COL14A1: variants seen among roughly 807,000 people sequenced by gnomAD.
COL14A1 encodes collagen alpha-1(XIV) chain.
A neutral mutation model predicts 230.3 loss-of-function variants in COL14A1; 136 were observed. That is an observed-to-expected ratio of 0.59 (90% CI 0.51 to 0.68). The LOEUF is 0.68. COL14A1 is among the 30% of genes least tolerant of loss of function. The pLI, the probability that COL14A1 is intolerant of heterozygous loss-of-function variation, is 0.00. For missense variants in COL14A1, 1,976 were observed against 2,215.8 expected (o/e 0.89, Z 2.17); for synonymous variants, 792 against 784.1 (o/e 1.01, Z -0.17).
At chr8:120,212,679 C>A in intron 13 of COL14A1, 102 bp downstream of exon 13, 1 of 1,256,480 alleles carries the variant, frequency 8.0e-7, no homozygotes, top group Admixed American at 2.2e-5. Context: ...CTCTTAAAAG[C>A]TAATTATAAT....
At chr8:120,309,323 A>T (rs1380336576) in intron 36 of COL14A1, among the ~76,000 whole-genome samples, 2 of 152,094 alleles carry the variant, frequency 1.3e-5, no homozygotes, top group Non-Finnish European at 2.9e-5. Context: ...TTTTTCATTT[A>T]CTGTAATGCT....
chr8:120,283,754 C>G lies in COL14A1; in HGVS notation c.3943C>G (p.Pro1315Ala). 1 of 1,611,928 alleles carries G rather than the reference C, an allele frequency of 6.2e-7. No individual in the cohort carries two copies. The highest frequency in any genetic ancestry group is 8.5e-7 in the Non-Finnish European group (1 of 1,179,386). Residue 1315 changes from proline to alanine, a missense_variant, in exon 32 of 48, where the codon CCA becomes GCA. Coordinates refer to ENST00000297848, the MANE Select transcript of COL14A1 (RefSeq NM_021110.4). ...GGAGATTTTAAATAAAAATTCTGAC[C>G]CATTGGTTGGGGTTATTTTAGACAG... is the stretch of plus-strand genomic sequence containing the variant. ...LWEILNKNSDPLVGVILDNGG... is the reference protein window; with the variant it reads ...LWEILNKNSDALVGVILDNGG...
At chr8:120,188,348 CTGGG>C (rs1816709978) in intron 5 of COL14A1, among the ~76,000 whole-genome samples, 1 of 152,122 alleles carries the variant, frequency 6.6e-6, no homozygotes, top group African/African-American at 2.4e-5. Flanking sequence ...TCCCAAAGTG[CTGGG>C]ATTACAGGCA....
At position 120,283,650 on chromosome 8, in the gene COL14A1, A is replaced by G. The variant is rs757361473; in HGVS notation, c.3839A>G (p.Glu1280Gly). The change falls in exon 32 of 48, where the codon GAA becomes GGA. Residue 1280 changes from glutamate (E) to glycine (G), a missense_variant. Glu to Gly is a moderately conservative substitution (Grantham distance 98). Coordinates refer to ENST00000297848, the MANE Select transcript of COL14A1 (RefSeq NM_021110.4). ...TCTATGTTCAGGTACTTGCACCCAGAAGGATTGCCCTCCGACTACACAATC... is the reference window on the plus strand; with the variant it reads ...TCTATGTTCAGGTACTTGCACCCAGGAGGATTGCCCTCCGACTACACAATC... ...VSQPTRYLHP[E>G]GLPSDYTISF... is the part of the protein sequence containing the mutation. 1 of 1,610,728 alleles carries G rather than the reference A, an allele frequency of 6.2e-7. No individual in the cohort carries two copies. Among genetic ancestry groups the G allele is most frequent in the Admixed American group, 1.7e-5 (1 of 59,082 alleles).
chr8:120,288,688 T>C (rs933073423), intron 33 of COL14A1, among the ~76,000 whole-genome samples: 2 of 152,192 alleles, frequency 1.3e-5, no homozygotes, highest in African/African-American at 4.8e-5. Context: ...TAACCTTGAT[T>C]GTATTGACCA....
At chr8:120,229,146 A>G (rs1236028954) in intron 18 of COL14A1, among the ~76,000 whole-genome samples, 1 of 143,614 alleles carries the variant, frequency 7.0e-6, no homozygotes, top group Non-Finnish European at 1.5e-5. Context: ...GTTTTAGGGT[A>G]CATGTGCACA....
chr8:120,368,606 CAA>C (rs11342918), intron 46 of COL14A1, among the ~76,000 whole-genome samples: 5,113 of 118,474 alleles, frequency 0.043, 288 homozygotes, highest in African/African-American at 0.14. Flanking sequence ...GCATACAAGC[CAA>C]AAAAAAAAAA....
intron 5 of COL14A1, among the ~76,000 whole-genome samples, chr8:120,193,094 T>C (rs1470288570): frequency 6.6e-6 from 1 of 152,248 alleles, no homozygotes; most frequent in African/African-American, 2.4e-5. Flanking sequence ...GGTGAGGAAC[T>C]GCGTTCCTTT....
chr8:120,132,738 A>G (rs1814572511), intron 1 of COL14A1, among the ~76,000 whole-genome samples: 2 of 152,016 alleles, frequency 1.3e-5, no homozygotes, highest in Admixed American at 1.3e-4. Flanking sequence ...GAAATGAGTT[A>G]TTTTTAAACA....
At chr8:120,198,050 C>G in intron 7 of COL14A1, 120 bp downstream of exon 7, 1 of 961,734 alleles carries the variant, frequency 1.0e-6, no homozygotes, top group Non-Finnish European at 1.5e-6. Flanking sequence ...ACTTAGGATT[C>G]TTTGATGGCT....
intron 14 of COL14A1, among the ~76,000 whole-genome samples, chr8:120,217,772 G>A (rs1343088446): frequency 6.6e-6 from 1 of 151,694 alleles, no homozygotes; most frequent in Non-Finnish European, 1.5e-5. Flanking sequence ...TGAGCTATAG[G>A]TGTCTCTTTG....
At chr8:120,201,493 A>G (rs1056128330) in intron 8 of COL14A1, among the ~76,000 whole-genome samples, 1 of 152,180 alleles carries the variant, frequency 6.6e-6, no homozygotes, top group African/African-American at 2.4e-5. Flanking sequence ...TGACTGTTAA[A>G]TATTTACATT....
At chr8:120,364,612 G>A (rs997778893) in intron 45 of COL14A1, among the ~76,000 whole-genome samples, 2 of 152,190 alleles carry the variant, frequency 1.3e-5, no homozygotes, top group African/African-American at 4.8e-5. Context: ...GCCAGGCATG[G>A]TGGCTCACAT....
chr8:120,277,626 A>T (rs1276277638), intron 26 of COL14A1: 1 of 152,118 alleles, frequency 6.6e-6, no homozygotes, highest in Non-Finnish European at 1.5e-5. Flanking sequence ...GTGCCTCTGG[A>T]AGCCATTATC....
At chr8:120,348,869 A>G (rs1340312836) in intron 45 of COL14A1, among the ~76,000 whole-genome samples, 2 of 152,252 alleles carry the variant, frequency 1.3e-5, no homozygotes, top group Non-Finnish European at 2.9e-5. Context: ...TAACTGGGAC[A>G]AAAGAAATTA....
chr8:120,284,555 C>T (rs1820138102), intron 32 of COL14A1, among the ~76,000 whole-genome samples: 1 of 152,126 alleles, frequency 6.6e-6, no homozygotes, highest in Non-Finnish European at 1.5e-5. Flanking sequence ...GGTGCTAAGT[C>T]ACACATTCGG....
At chr8:120,230,556 C>T (rs1818236183) in intron 18 of COL14A1, among the ~76,000 whole-genome samples, 1 of 152,038 alleles carries the variant, frequency 6.6e-6, no homozygotes, top group Admixed American at 6.6e-5. Context: ...CCGTTTTTCT[C>T]TTGCAATCCC....
chr8:120,334,943 A>G (rs371335203), intron 42 of COL14A1, among the ~76,000 whole-genome samples: 4 of 152,182 alleles, frequency 2.6e-5, no homozygotes, highest in African/African-American at 9.7e-5. Flanking sequence ...ATTAGAAAAC[A>G]CCCAAAACTA....
At chr8:120,128,228 C>CGCGCGCGTGTGT (rs1371704696) in intron 1 of COL14A1, among the ~76,000 whole-genome samples, 1 of 146,684 alleles carries the variant, frequency 6.8e-6, no homozygotes, top group South Asian at 2.2e-4. Context: ...TGTGCGCGCG[C>CGCGCGCGTGTGT]GTGTGTGTGT....
Sources: allele counts gnomAD v4.1 joint callset (sites outside exome capture counted in the v4.1 genomes callset), GRCh38; gene constraint gnomAD v4.1.1; transcripts MANE v1.5; gene names NCBI Gene and HGNC (gene_info 2026-07-23, HGNC 2026-07-21).